Variants in VPS13B observed in about 807,000 individuals in gnomAD.
VPS13B encodes vacuolar protein sorting 13 homolog B.
VPS13B carries 285 observed loss-of-function variants against 426.4 expected under a neutral mutation model. That is an observed-to-expected ratio of 0.67 (90% CI 0.61 to 0.74). VPS13B has a LOEUF of 0.74. VPS13B is among the 30% of genes least tolerant of loss of function. VPS13B has a pLI of 0.00. For synonymous variants in VPS13B, 1,676 were observed against 1,676.4 expected (o/e 1.00, Z 0.01); for missense variants, 4,537 against 4,782.6 (o/e 0.95, Z 1.51).
At chr8:99,448,994 A>T (rs1818059075) in intron 23 of VPS13B, among the ~76,000 whole-genome samples, 1 of 152,158 alleles carries the variant, frequency 6.6e-6, no homozygotes, top group Admixed American at 6.5e-5. Flanking sequence ...TTTGTTCAGT[A>T]AATGTTTCTT....
At chr8:99,475,464 C>T (rs544919649) in intron 24 of VPS13B, among the ~76,000 whole-genome samples, 1 of 152,248 alleles carries the variant, frequency 6.6e-6, no homozygotes, top group South Asian at 2.1e-4. Flanking sequence ...CATAGCTGTC[C>T]TAGCTAACAC....
chr8:99,643,197 C>T (rs1288375500), intron 34 of VPS13B, among the ~76,000 whole-genome samples: 1 of 152,080 alleles, frequency 6.6e-6, no homozygotes, highest in East Asian at 1.9e-4. Context: ...TATACCCTTT[C>T]CCTGAGTTAA....
chr8:99,831,998 C>T (rs1815090319), intron 51 of VPS13B, among the ~76,000 whole-genome samples: 1 of 152,156 alleles, frequency 6.6e-6, no homozygotes, highest in African/African-American at 2.4e-5. Context: ...TGGTGACTCA[C>T]GCCTGTAATC....
At chr8:99,352,571 C>T (rs535977471) in intron 19 of VPS13B, among the ~76,000 whole-genome samples, 2 of 152,290 alleles carry the variant, frequency 1.3e-5, no homozygotes, top group Non-Finnish European at 2.9e-5. Context: ...CAGTGGCTCA[C>T]GCCTGTAATC....
chr8:99,326,451 G>GTTT (rs1563669420), intron 19 of VPS13B, among the ~76,000 whole-genome samples: 1 of 19,746 alleles, frequency 5.1e-5, no homozygotes, highest in African/African-American at 2.2e-4. Context: ...TCTCTAGGTA[G>GTTT]CTTTTTTTTT....
At position 99,403,959 on chromosome 8, in the gene VPS13B, C is replaced by T. The variant is rs550560479; in HGVS notation, c.3082+12255C>T. ...TGCATAAGACAGATTGCAGACTTTA[C>T]AACAGGCTTTGTTTTAGTTTTTTTA... On this transcript the variant is annotated intron_variant, in intron 21 of 61. Transcript: ENST00000357162. 9.9e-5 allele frequency among the ~76,000 whole-genome samples: 15 copies of T among 152,266 alleles called. No individual in the cohort carries two copies. The South Asian group carries it at 2.5e-3, about 25-fold the overall frequency.
intron 17 of VPS13B, among the ~76,000 whole-genome samples, chr8:99,215,714 G>A (rs993769716): frequency 1.6e-4 from 24 of 152,214 alleles, no homozygotes; most frequent in East Asian, 1.2e-3. Context: ...CAAGGTTTTC[G>A]TTGGGGGCTG....
Position 99,870,880 on chromosome 8 carries a change from T to C in VPS13B, c.11488T>C (p.Tyr3830His). 2 of 1,614,032 alleles carry C rather than the reference T, an allele frequency of 1.2e-6. No individual in the cohort carries two copies. Among genetic ancestry groups the C allele is most frequent in the Admixed American group, 1.7e-5 (1 of 60,024 alleles). The change falls in exon 60 of 62, where the codon TAT (tyrosine) becomes CAT (histidine). Residue 3830 changes from tyrosine to histidine, a missense_variant. This residue lies in a region of VPS13B where 4,311 missense variants were observed against 4,474.3 expected (regional missense o/e 0.96). Coordinates refer to ENST00000357162, the MANE Select transcript of VPS13B (RefSeq NM_152564.5). ...ADQAPNSHVK[Y>H]VWKMLQSLGR... ...CCAGGCTCCAAACAGCCATGTCAAA[T>C]ATGTCTGGTAAAATTATTGAGATAC...
intron 27 of VPS13B, 116 bp downstream of exon 27, chr8:99,503,066 C>T (rs981599899): frequency 1.3e-5 from 9 of 713,390 alleles, no homozygotes; most frequent in African/African-American, 1.1e-4. Flanking sequence ...TACAGGCATA[C>T]CTCGGACATA....
rs569260186 is a variant in VPS13B at position 99,731,394 on chromosome 8, C to G, written c.7050+10347C>G. Among the ~76,000 whole-genome samples the G allele has an allele frequency of 3.3e-5, 5 of 152,210 alleles. No individual in the cohort carries two copies. The South Asian group carries it at 8.3e-4, about 25-fold the overall frequency. On this transcript the variant is annotated intron_variant, in intron 39 of 61. Transcript: ENST00000357162. ...GAGGTTCTGAGAAAAATAATTTTCC[C>G]AAGATCATAAAGCAAGTTAAGGGAG... is the stretch of plus-strand genomic sequence containing the variant.
chr8:99,644,560 T>C (rs1829501980), intron 34 of VPS13B, among the ~76,000 whole-genome samples: 1 of 152,096 alleles, frequency 6.6e-6, no homozygotes, highest in South Asian at 2.1e-4. Flanking sequence ...GGGCTAGATT[T>C]AATATAGGGG....
At chr8:99,419,917 AAAAC>A (rs1816278414) in intron 21 of VPS13B, among the ~76,000 whole-genome samples, 1 of 152,202 alleles carries the variant, frequency 6.6e-6, no homozygotes, top group Admixed American at 6.5e-5. Context: ...TCCTTTCAGC[AAAAC>A]AAACACTCTG....
rs757504535 is a variant in VPS13B, at chr8:99,698,072, G to C, written c.6047-1453G>C. Reference sequence around the variant, plus strand: ...CTGCCCCACTGCCCTGGCGAGGGCCGTGAGAGCAATTGCTTTGAGGTGATT... The same window carrying C: ...CTGCCCCACTGCCCTGGCGAGGGCCCTGAGAGCAATTGCTTTGAGGTGATT... On this transcript the variant is annotated intron_variant, in intron 35 of 61. Transcript: ENST00000357162. 67 of 327,670 alleles carry C rather than the reference G, an allele frequency of 2.0e-4. 2 individuals are homozygous for C. The Admixed American group carries it at 2.1e-3, about 10-fold the overall frequency. 20.3% of individuals were successfully genotyped at this position (327,670 alleles called of 1,614,324 possible). A position where few individuals can be genotyped will look rare whatever the true frequency, so the allele number is the denominator to read the frequency against.
intron 33 of VPS13B, among the ~76,000 whole-genome samples, chr8:99,625,549 A>G (rs1440142703): frequency 6.6e-6 from 1 of 151,662 alleles, no homozygotes. Flanking sequence ...CCTGTTTCCT[A>G]TATGTTAATA....
intron 57 of VPS13B, 56 bp downstream of exon 57, chr8:99,859,536 TTTA>T: frequency 1.3e-6 from 2 of 1,598,286 alleles, no homozygotes; most frequent in Non-Finnish European, 1.7e-6. Flanking sequence ...TTTTTTTTTT[TTTA>T]AAGAATGTGC....
chr8:99,503,851 T>C (rs1015458319), intron 27 of VPS13B, among the ~76,000 whole-genome samples: 4 of 152,250 alleles, frequency 2.6e-5, no homozygotes, highest in Admixed American at 2.0e-4. Context: ...AAACATCTGT[T>C]AATGTTGATA....
chr8:99,556,353 A>T, intron 30 of VPS13B, 97 bp from the exon 31 acceptor site: 2 of 1,317,736 alleles, frequency 1.5e-6, no homozygotes, highest in Middle Eastern at 5.1e-4. Flanking sequence ...AAGGAAAAAA[A>T]TGGTATTGAC....
intron 39 of VPS13B, among the ~76,000 whole-genome samples, chr8:99,744,895 C>T (rs981161885): frequency 6.6e-6 from 1 of 151,820 alleles, no homozygotes; most frequent in East Asian, 1.9e-4. Flanking sequence ...GGGTGCAGCA[C>T]ACCAACATGG....
intron 31 of VPS13B, among the ~76,000 whole-genome samples, chr8:99,573,585 G>T (rs1346827964): frequency 6.6e-6 from 1 of 152,114 alleles, no homozygotes; most frequent in Non-Finnish European, 1.5e-5. Flanking sequence ...GTTTTTGTCA[G>T]GTTTGTCAAA....
Sources: allele counts gnomAD v4.1 joint callset (sites outside exome capture counted in the v4.1 genomes callset), GRCh38; gene constraint gnomAD v4.1.1; regional missense constraint gnomAD v4.1.1; transcripts MANE v1.5; gene names NCBI Gene and HGNC (gene_info 2026-07-23, HGNC 2026-07-21).